Variants in RGS8 observed in about 807,000 individuals in gnomAD.
The protein encoded by RGS8 is regulator of G protein signaling 8, also known as regulator of G-protein signaling 8.
In RGS8, 8 loss-of-function variants were observed where a neutral mutation model predicts 21.7. The observed-to-expected ratio is 0.37, with a 90% confidence interval of 0.22 to 0.66. RGS8 has a LOEUF of 0.66. Ranked by LOEUF, RGS8 falls within the 30% of genes least tolerant of loss-of-function variation. The probability of loss-of-function intolerance (pLI) is 0.59; values close to 1 mark genes in which losing one functional copy is unlikely to be tolerated. For synonymous variants in RGS8, 80 were observed against 83.6 expected (o/e 0.96, Z 0.24); for missense variants, 157 against 217.9 (o/e 0.72, Z 1.76).
the RGS8 span, among the ~76,000 whole-genome samples, chr1:182,720,920 CATAT>C: frequency 1.9e-5 from 1 of 52,182 alleles, no homozygotes; most frequent in African/African-American, 1.0e-4. Context: ...TGTGTATATA[CATAT>C]ATACATATAT....
At chr1:182,743,594 C>T in the RGS8 span, among the ~76,000 whole-genome samples, 1 of 152,204 alleles carries the variant, frequency 6.6e-6, no homozygotes, top group African/African-American at 2.4e-5. Context: ...GCATCATTTC[C>T]CACTAGCTCT....
chr1:182,671,766 A>G (rs1256552495), intron 1 of RGS8, 36 bp from the exon 3 acceptor site: 2 of 1,613,342 alleles, frequency 1.2e-6, no homozygotes, highest in Non-Finnish European at 1.7e-6. Flanking sequence ...TAGCAGTCAA[A>G]TCCTCGGCGA....
At chr1:182,709,859 G>T in the RGS8 span, among the ~76,000 whole-genome samples, 4 of 152,132 alleles carry the variant, frequency 2.6e-5, no homozygotes, top group South Asian at 4.1e-4. Flanking sequence ...ATCCCTTAGG[G>T]TCATTATGTC....
chr1:182,743,537 T>C, the RGS8 span, among the ~76,000 whole-genome samples: 1 of 152,180 alleles, frequency 6.6e-6, no homozygotes, highest in East Asian at 1.9e-4. Flanking sequence ...CTCATAGATA[T>C]TATCATGGTC....
At chr1:182,744,970 T>C in the RGS8 span, among the ~76,000 whole-genome samples, 1 of 152,248 alleles carries the variant, frequency 6.6e-6, no homozygotes, top group African/African-American at 2.4e-5. Context: ...TCTGTCTCTA[T>C]AGATTTGTCT....
intron 5 of RGS8, among the ~76,000 whole-genome samples, chr1:182,654,655 C>CT (rs1222442408): frequency 4.0e-5 from 6 of 151,802 alleles, no homozygotes; most frequent in Non-Finnish European, 8.8e-5. Flanking sequence ...GTGGGGAACT[C>CT]TAAGAGTGGG....
At chr1:182,671,538 C>A (rs1571346090) in intron 2 of RGS8, 119 bp downstream of exon 3, 2 of 816,656 alleles carry the variant, frequency 2.4e-6, no homozygotes, top group South Asian at 1.6e-5. Flanking sequence ...GAAACTAGAG[C>A]CTCCGAGGGA....
the RGS8 span, among the ~76,000 whole-genome samples, chr1:182,738,837 A>G: frequency 6.6e-6 from 1 of 152,230 alleles, no homozygotes; most frequent in African/African-American, 2.4e-5. Context: ...GGGTTAGGGC[A>G]GGGTGAAGAG....
chr1:182,669,907 C>A lies in RGS8; in HGVS notation c.-103-155G>T, dbSNP rs151289658. ...CTTGTCCTTAGCAGGGGCGACAAACCAAGGATGGACAAGAACAAATTGTTG... is the reference window on the plus strand; with the variant it reads ...CTTGTCCTTAGCAGGGGCGACAAACAAAGGATGGACAAGAACAAATTGTTG... On this transcript the variant is annotated intron_variant, in intron 2 of 6. Transcript: ENST00000483095. Among the ~76,000 whole-genome samples the A allele has an allele frequency of 7.8e-4, 119 of 152,340 alleles. 1 individual carries two copies. Among genetic ancestry groups the A allele is most frequent in the African/African-American group, 2.6e-3 (110 of 41,572 alleles).
At chr1:182,685,543 C>T (rs911076539), upstream of RGS8, among the ~76,000 whole-genome samples, 2 of 152,210 alleles carry the variant, frequency 1.3e-5, no homozygotes, top group Non-Finnish European at 2.9e-5. Context: ...AAGGAAGCTG[C>T]AGCTGGGGAA....
chr1:182,671,698 T>A (rs1423034096), exon 2 of RGS8: 2 of 1,614,134 alleles, frequency 1.2e-6, no homozygotes, highest in South Asian at 1.1e-5. Flanking sequence ...CTTTGCCAAC[T>A]GGATGGTCAG....
At chr1:182,680,826 C>A (rs1181451896) in intron 1 of RGS8, among the ~76,000 whole-genome samples, 1 of 152,166 alleles carries the variant, frequency 6.6e-6, no homozygotes, top group Admixed American at 6.5e-5. Flanking sequence ...CACGAGCCCC[C>A]CAGCAGGTAG....
chr1:182,659,623 C>T lies in RGS8; in HGVS notation c.193+6346G>A, dbSNP rs560645009. Among the ~76,000 whole-genome samples, 20 of 152,170 alleles carry T rather than the reference C, an allele frequency of 1.3e-4. No homozygotes were observed. The South Asian group carries it at 2.5e-3, about 19-fold the overall frequency. On this transcript the variant is annotated intron_variant, in intron 5 of 6. Coordinates refer to ENST00000483095, the Ensembl canonical transcript of RGS8. ...CTGAGGCAGGAGAATCGCTTGAACCCGGGAGGCAAAGGTTGCAGTGAGCCA... is the reference window on the plus strand; with the variant it reads ...CTGAGGCAGGAGAATCGCTTGAACCTGGGAGGCAAAGGTTGCAGTGAGCCA...
chr1:182,668,355 G>A (rs985558641), intron 3 of RGS8, among the ~76,000 whole-genome samples: 21 of 152,224 alleles, frequency 1.4e-4, no homozygotes, highest in African/African-American at 5.1e-4. Flanking sequence ...AATAGTCCTA[G>A]AAGATGCCAT....
At chr1:182,645,517 A>C (rs1039346594), downstream of RGS8, 1 of 152,238 alleles carries the variant, frequency 6.6e-6, no homozygotes, top group Non-Finnish European at 1.5e-5. Context: ...GCAGGGTACC[A>C]TGAAAGCATT....
downstream of RGS8, chr1:182,642,238 C>T (rs1662498442): frequency 6.6e-6 from 1 of 152,316 alleles, no homozygotes; most frequent in Admixed American, 6.5e-5. Context: ...CTTCTTCCTC[C>T]ACCATCTCAT....
intron 5 of RGS8, chr1:182,658,692 A>C (rs1663404007): frequency 6.6e-6 from 1 of 152,210 alleles, no homozygotes; most frequent in Non-Finnish European, 1.5e-5. Flanking sequence ...TTTTAAACAA[A>C]TAACTGGAGG....
chr1:182,744,665 G>C, the RGS8 span, among the ~76,000 whole-genome samples: 1 of 152,212 alleles, frequency 6.6e-6, no homozygotes, highest in African/African-American at 2.4e-5. Flanking sequence ...ACAGTAACGT[G>C]CTATACAGGT....
At chr1:182,662,314 G>A (rs1663631520) in intron 5 of RGS8, among the ~76,000 whole-genome samples, 1 of 152,084 alleles carries the variant, frequency 6.6e-6, no homozygotes, top group Non-Finnish European at 1.5e-5. Context: ...TGCAGGCAGC[G>A]CTGAGTCAAA....
Sources: allele counts gnomAD v4.1 joint callset (sites outside exome capture counted in the v4.1 genomes callset), GRCh38; gene constraint gnomAD v4.1.1; transcripts MANE v1.5; gene names NCBI Gene and HGNC (gene_info 2026-07-23, HGNC 2026-07-21).